Variants in ASIC2 observed in about 807,000 individuals in gnomAD.
The protein encoded by ASIC2 is acid sensing ion channel subunit 2, also known as acid-sensing ion channel 2.
ASIC2 carries 25 observed loss-of-function variants against 57.3 expected under a neutral mutation model. The observed-to-expected ratio is 0.44, with a 90% CI of 0.32 to 0.61. ASIC2 has a LOEUF of 0.61. Ranked by LOEUF, ASIC2 falls within the 20% of genes least tolerant of loss-of-function variation. The probability of loss-of-function intolerance (pLI) is 0.06; values close to 1 mark genes in which losing one functional copy is unlikely to be tolerated. For missense variants in ASIC2, 641 were observed against 738.1 expected (o/e 0.87, Z 1.52); for synonymous variants, 319 against 307.5 (o/e 1.04, Z -0.39).
At chr17:33,812,504 G>C (rs1597885948) in intron 1 of ASIC2, among the ~76,000 whole-genome samples, 1 of 152,142 alleles carries the variant, frequency 6.6e-6, no homozygotes, top group Admixed American at 6.5e-5. Flanking sequence ...CTTGCTTCCA[G>C]GGTGGGGAGG....
intron 9 of ASIC2, among the ~76,000 whole-genome samples, chr17:33,014,945 A>G (rs1461699335): frequency 6.6e-6 from 1 of 152,172 alleles, no homozygotes; most frequent in Non-Finnish European, 1.5e-5. Context: ...AGACAGGTTT[A>G]ATATGTAACT....
chr17:34,049,127 A>T (rs1232238797), intron 1 of ASIC2, among the ~76,000 whole-genome samples: 2 of 151,692 alleles, frequency 1.3e-5, no homozygotes, highest in African/African-American at 4.8e-5. Flanking sequence ...GACTGTCCCT[A>T]CAAAAAAATT....
chr17:33,377,053 T>C (rs1909304122), intron 1 of ASIC2, among the ~76,000 whole-genome samples: 1 of 151,940 alleles, frequency 6.6e-6, no homozygotes, highest in Non-Finnish European at 1.5e-5. Context: ...AAAGTTTTTT[T>C]TGGAGGGGGG....
At chr17:34,038,864 C>G in intron 1 of ASIC2, 1 of 1,612,474 alleles carries the variant, frequency 6.2e-7, no homozygotes, top group South Asian at 1.1e-5. Context: ...TTTCCGTTGT[C>G]TTTCTATCTC....
At chr17:33,425,523 G>C (rs1448150883) in intron 1 of ASIC2, among the ~76,000 whole-genome samples, 1 of 152,172 alleles carries the variant, frequency 6.6e-6, no homozygotes, top group African/African-American at 2.4e-5. Flanking sequence ...GGTGGAGTGA[G>C]AGTGCCGTGG....
chr17:34,134,605 G>T (rs913563099), intron 1 of ASIC2, among the ~76,000 whole-genome samples: 3 of 152,192 alleles, frequency 2.0e-5, no homozygotes, highest in Admixed American at 1.3e-4. Context: ...GGGAGACTTT[G>T]CCCTGAGTCC....
At chr17:33,898,285 G>T (rs1555570672) in intron 1 of ASIC2, among the ~76,000 whole-genome samples, 2 of 129,234 alleles carry the variant, frequency 1.5e-5, no homozygotes, top group African/African-American at 2.9e-5. Context: ...ACCCAGGCTG[G>T]AGTGCAGTGG....
chr17:33,700,111 G>A (rs1462172549), intron 1 of ASIC2, among the ~76,000 whole-genome samples: 1 of 152,092 alleles, frequency 6.6e-6, no homozygotes, highest in East Asian at 1.9e-4. Flanking sequence ...TAGAATATGA[G>A]TCCTTAAGCT....
chr17:33,641,353 C>G (rs116259904), intron 1 of ASIC2, among the ~76,000 whole-genome samples: 2 of 152,162 alleles, frequency 1.3e-5, no homozygotes, highest in Admixed American at 6.5e-5. Flanking sequence ...ACACAGCACA[C>G]GCTCAGCATA....
rs536657388 is a variant in ASIC2, at chr17:33,999,119, C to G, written c.555+156859G>C. 3.9e-5 allele frequency among the ~76,000 whole-genome samples: 6 copies of G among 152,256 alleles called. No homozygotes were observed. The East Asian group carries it at 1.2e-3, about 29-fold the overall frequency. On this transcript the variant is annotated intron_variant, in intron 1 of 9. Transcript: ENST00000359872. Reference sequence around the variant, plus strand: ...CCCCTTATCAGTATGTAATGACCTTCTTCATCTCTTGCAACCATTTTGCAC... The same window carrying G: ...CCCCTTATCAGTATGTAATGACCTTGTTCATCTCTTGCAACCATTTTGCAC...
intron 2 of ASIC2, among the ~76,000 whole-genome samples, chr17:33,107,934 C>T (rs549959423): frequency 4.6e-5 from 7 of 152,314 alleles, no homozygotes; most frequent in Admixed American, 1.3e-4. Flanking sequence ...TGTTGAGGTG[C>T]TGCAGAGCTC....
At chr17:33,452,738 G>GGTGTGTGTGTGTGT (rs35126239) in intron 1 of ASIC2, among the ~76,000 whole-genome samples, 1,891 of 140,466 alleles carry the variant, frequency 0.013, 36 homozygotes, top group South Asian at 0.041. Flanking sequence ...AACAGAGTGG[G>GGTGTGTGTGTGTGT]GTGTGTGTGT....
At chr17:34,002,254 G>A (rs1906371583) in intron 1 of ASIC2, 1 of 152,230 alleles carries the variant, frequency 6.6e-6, no homozygotes, top group Non-Finnish European at 1.5e-5. Flanking sequence ...ACTATAAGGA[G>A]GCTGCAAGGT....
At chr17:33,432,763 A>C (rs1911464473) in intron 1 of ASIC2, among the ~76,000 whole-genome samples, 1 of 152,204 alleles carries the variant, frequency 6.6e-6, no homozygotes, top group African/African-American at 2.4e-5. Flanking sequence ...GACACTTTTC[A>C]AAAGAAGATA....
chr17:33,797,755 G>A (rs1442149165), intron 1 of ASIC2, among the ~76,000 whole-genome samples: 2 of 152,200 alleles, frequency 1.3e-5, no homozygotes, highest in South Asian at 2.1e-4. Context: ...CTGTTTGGAG[G>A]ACTGAAATGT....
chr17:33,413,253 A>G (rs985083280), intron 1 of ASIC2, among the ~76,000 whole-genome samples: 3 of 152,234 alleles, frequency 2.0e-5, no homozygotes, highest in African/African-American at 7.2e-5. Context: ...GCAGGGAATT[A>G]GCAAATTCAT....
At chr17:33,664,158 C>T (rs1349009692) in intron 1 of ASIC2, among the ~76,000 whole-genome samples, 7 of 152,126 alleles carry the variant, frequency 4.6e-5, no homozygotes, top group South Asian at 2.1e-4. Flanking sequence ...TGATAGACTC[C>T]GCCTCCTCTG....
At chr17:33,095,918 C>T (rs2092177094) in intron 2 of ASIC2, among the ~76,000 whole-genome samples, 3 of 152,176 alleles carry the variant, frequency 2.0e-5, no homozygotes, top group African/African-American at 7.2e-5. Context: ...CTGGAGTGTC[C>T]CTGTGTCACC....
Position 33,408,934 on chromosome 17 carries a change from C to G in ASIC2, c.556-296867G>C, listed in dbSNP as rs114904291. Among the ~76,000 whole-genome samples the G allele has an allele frequency of 4.8e-3, 735 of 152,320 alleles. 6 individuals carry two copies. Among genetic ancestry groups the G allele is most frequent in the African/African-American group, 0.017 (687 of 41,580 alleles). ...TACAGACAGAATATTCCAGTCCTGG[C>G]TGGGCGTGATGGCCCATGCCTGTAA... On this transcript the variant is annotated intron_variant, in intron 1 of 9. Coordinates refer to the ASIC2 transcript ENST00000359872.
Sources: gnomAD v4.1 joint callset for allele counts (sites outside exome capture counted in the v4.1 genomes callset) on GRCh38, gnomAD v4.1.1 for gene constraint, MANE v1.5 for transcripts, NCBI Gene and HGNC (gene_info 2026-07-23, HGNC 2026-07-21) for gene names.